Variants in PRDM16 observed in about 807,000 individuals in gnomAD.
PRDM16 encodes PR/SET domain 16.
PRDM16 carries 23 observed loss-of-function variants against 110.6 expected under a neutral mutation model. The ratio of observed to expected loss-of-function variants is 0.21; its 90% CI spans 0.15 to 0.29. The LOEUF (loss-of-function observed/expected upper bound fraction) is 0.29. PRDM16 is among the 10% of genes least tolerant of loss of function. The probability of loss-of-function intolerance (pLI) is 1.00; values close to 1 mark genes in which losing one functional copy is unlikely to be tolerated. For synonymous variants in PRDM16, 799 were observed against 781.8 expected (o/e 1.02, Z -0.37); for missense variants, 1,615 against 1,794.3 (o/e 0.90, Z 1.81).
At chr1:3,176,963 T>A (rs1256878080) in intron 1 of PRDM16, among the ~76,000 whole-genome samples, 1 of 151,836 alleles carries the variant, frequency 6.6e-6, no homozygotes, top group Non-Finnish European at 1.5e-5. Flanking sequence ...CATTCATTCA[T>A]CCATCCATTA....
In PRDM16 at chr1:3,069,352, G is replaced by C. The variant is rs1641683788; in HGVS notation, c.37+56G>C. ...CGCCGGGGCCCGGGCCGCCGGGCCG[G>C]GGCGCCCGGGCCAGGGGTGCGCGTC... On this transcript the variant is annotated intron_variant, in intron 1 of 16. Coordinates refer to ENST00000270722, the MANE Select transcript of PRDM16 (RefSeq NM_022114.4). The surrounding 1 kb of genome is among the most constrained non-coding windows in gnomAD (Gnocchi z 6.1). 2.2e-6 allele frequency: 2 copies of C among 912,190 alleles called. No individual in the cohort carries two copies. Among genetic ancestry groups the C allele is most frequent in the Non-Finnish European group, 2.6e-6 (2 of 756,552 alleles). The allele number at this position is 912,190 out of a possible 1,614,324, so 56.5% of individuals were successfully genotyped here.
intron 2 of PRDM16, among the ~76,000 whole-genome samples, chr1:3,197,710 G>A (rs1445735292): frequency 1.3e-5 from 2 of 152,232 alleles, no homozygotes; most frequent in African/African-American, 4.8e-5. Context: ...GGCCCCTCCT[G>A]AGGGTGGGCG....
At chr1:3,256,233 G>A (rs866914821) in intron 3 of PRDM16, among the ~76,000 whole-genome samples, 64 of 152,322 alleles carry the variant, frequency 4.2e-4, no homozygotes, top group African/African-American at 1.3e-3. Context: ...AAGCAACACT[G>A]TAGAAGGACC....
At chr1:3,114,435 AAAC>A (rs1408294113) in intron 1 of PRDM16, among the ~76,000 whole-genome samples, 1 of 130,632 alleles carries the variant, frequency 7.7e-6, no homozygotes, top group East Asian at 2.3e-4. Flanking sequence ...CACCAGGTGT[AAAC>A]AGACGCACAC....
At chr1:3,211,845 G>A (rs982870084) in intron 2 of PRDM16, among the ~76,000 whole-genome samples, 19 of 152,230 alleles carry the variant, frequency 1.2e-4, no homozygotes, top group Admixed American at 8.5e-4. Flanking sequence ...GTGCATCCAC[G>A]CCTGGCGGCC....
chr1:3,140,521 G>A (rs1042844303), intron 1 of PRDM16, among the ~76,000 whole-genome samples: 2 of 152,094 alleles, frequency 1.3e-5, no homozygotes, highest in Non-Finnish European at 2.9e-5. Context: ...CCACTCCCTC[G>A]CTGATGTGTT....
At chr1:3,248,910 G>A (rs574906783) in intron 3 of PRDM16, among the ~76,000 whole-genome samples, 1 of 152,348 alleles carries the variant, frequency 6.6e-6, no homozygotes, top group South Asian at 2.1e-4. Context: ...TGGGGACTGG[G>A]GGCTAATGAA....
intron 3 of PRDM16, among the ~76,000 whole-genome samples, chr1:3,248,547 C>A (rs1639847530): frequency 6.6e-6 from 1 of 152,202 alleles, no homozygotes; most frequent in African/African-American, 2.4e-5. Context: ...TCCACCCCAG[C>A]CAGCCCCTAG....
chr1:3,204,864 G>A (rs1638716283), intron 2 of PRDM16, among the ~76,000 whole-genome samples: 1 of 152,176 alleles, frequency 6.6e-6, no homozygotes, highest in Non-Finnish European at 1.5e-5. Flanking sequence ...TAGGAGCCCA[G>A]CGGTTGGCTA....
At chr1:3,416,503 C>A (rs1011538798) in intron 10 of PRDM16, among the ~76,000 whole-genome samples, 1 of 152,210 alleles carries the variant, frequency 6.6e-6, no homozygotes, top group Non-Finnish European at 1.5e-5. Context: ...CTGCCCTTCT[C>A]CTCACCCCCA....
At chr1:3,379,314 A>G (rs531015243) in intron 3 of PRDM16, among the ~76,000 whole-genome samples, 2 of 6,952 alleles carry the variant, frequency 2.9e-4, no homozygotes, top group African/African-American at 1.0e-3. Context: ...ACCCCTCCCA[A>G]CACACCCCTC....
At chr1:3,398,064 A>AG (rs759364171) in intron 5 of PRDM16, among the ~76,000 whole-genome samples, 1 of 152,170 alleles carries the variant, frequency 6.6e-6, no homozygotes, top group Non-Finnish European at 1.5e-5. Context: ...TCTGGATAGC[A>AG]GGGGGGAGGG....
chr1:3,099,751 G>A (rs1642489275), intron 1 of PRDM16, among the ~76,000 whole-genome samples: 1 of 152,232 alleles, frequency 6.6e-6, no homozygotes, highest in Non-Finnish European at 1.5e-5. Flanking sequence ...TATGTTGGAA[G>A]ATGAGCATCA....
At chr1:3,129,599 C>T (rs917440345) in intron 1 of PRDM16, among the ~76,000 whole-genome samples, 14 of 152,076 alleles carry the variant, frequency 9.2e-5, no homozygotes, top group Admixed American at 6.5e-4. Flanking sequence ...AGGGTCAGGA[C>T]GGGATGGGGA....
chr1:3,385,504 A>T (rs1233027804), intron 4 of PRDM16, among the ~76,000 whole-genome samples: 1 of 152,188 alleles, frequency 6.6e-6, no homozygotes, highest in East Asian at 1.9e-4. Context: ...AGCCTTGCTC[A>T]GGGACCCTGC....
rs796871884 is a variant in PRDM16 at position 3,181,449 on chromosome 1, C to CAT, written c.38-4676_38-4675insAT. Among the ~76,000 whole-genome samples, 4 of 36,728 alleles carry CAT rather than the reference C, an allele frequency of 1.1e-4. 1 individual carries two copies. The highest frequency in any genetic ancestry group is 3.2e-4 in the Admixed American group (1 of 3,126). The allele number at this position is 36,728 out of a possible 152,430, so 24.1% of individuals were successfully genotyped here. On this transcript the variant is annotated intron_variant, in intron 1 of 16. Transcript: ENST00000270722. ...GCGGTCTTACACAAGCAGTCTTACA[C>CAT]GGTCTTACACACGGTCTTACACACG...
intron 1 of PRDM16, among the ~76,000 whole-genome samples, chr1:3,073,059 G>A (rs933543098): frequency 2.0e-5 from 3 of 152,252 alleles, no homozygotes; most frequent in Non-Finnish European, 4.4e-5. Flanking sequence ...TCCTGTGAGC[G>A]GCTCTTCCAG....
In PRDM16 at chr1:3,430,996, A is replaced by G; in HGVS notation, c.3409A>G (p.Lys1137Glu). 1 of 1,598,962 alleles carries G rather than the reference A, an allele frequency of 6.3e-7. No homozygotes were observed. Among genetic ancestry groups the G allele is most frequent in the Non-Finnish European group, 8.5e-7 (1 of 1,172,612 alleles). ...EEDDEDSLAG[K>E]SQDDTVSPAP... ...GGACGATGAGGACAGCCTGGCCGGG[A>G]AGTCGCAGGATGACACCGTGTCCCC... is the stretch of plus-strand genomic sequence containing the variant. Residue 1137 changes from lysine to glutamate, a missense_variant, in exon 15 of 17, where the codon AAG becomes GAG. This residue lies in a region of PRDM16 where 327 missense variants were observed against 359.3 expected (regional missense o/e 0.91). Transcript: ENST00000270722.
At chr1:3,308,720 T>C (rs1314844669) in intron 3 of PRDM16, 1 of 152,236 alleles carries the variant, frequency 6.6e-6, no homozygotes, top group Non-Finnish European at 1.5e-5. Flanking sequence ...AAGCAAACAC[T>C]GGGTTCTGGG....
Sources: allele counts gnomAD v4.1 joint callset (sites outside exome capture counted in the v4.1 genomes callset), GRCh38; gene constraint gnomAD v4.1.1; regional missense constraint gnomAD v4.1.1; non-coding constraint Gnocchi (gnomAD v3.1); transcripts MANE v1.5; gene names NCBI Gene and HGNC (gene_info 2026-07-23, HGNC 2026-07-21).